The following EML6 variants were observed in gnomAD, a reference collection of about 807,000 sequenced individuals.
The protein encoded by EML6 is EMAP like 6, also known as echinoderm microtubule-associated protein-like 6.
Under a neutral mutation model 240.1 loss-of-function variants are expected in EML6, and 154 were observed. The observed-to-expected ratio is 0.64, with a 90% CI of 0.56 to 0.73. The LOEUF is 0.73. Among genes scored for constraint, EML6 ranks in the 30% least tolerant of loss-of-function variants. The pLI is 0.00. For missense variants in EML6, 2,964 were observed against 2,474.6 expected, an observed-to-expected ratio of 1.20 and a Z score of -4.20; for synonymous variants, 1,148 against 899.0, an observed-to-expected ratio of 1.28 and a Z score of -4.95.
At position 54,901,355 on chromosome 2, in the gene EML6, A is replaced by G. The variant is rs1303671836; in HGVS notation, c.3124+1573A>G. Reference sequence around the variant, plus strand: ...GTAAATGGTGGAGGCAGGATTTCCCAAATCTAAGTCCAAAGCCCATGCTCG... The same window carrying G: ...GTAAATGGTGGAGGCAGGATTTCCCGAATCTAAGTCCAAAGCCCATGCTCG... On this transcript the variant is annotated intron_variant, in intron 22 of 41. Transcript: ENST00000356458. 2.0e-5 allele frequency among the ~76,000 whole-genome samples: 3 copies of G among 152,218 alleles called. No individual in the cohort carries two copies. In the East Asian group the frequency reaches 5.8e-4, roughly 29 times the overall value.
In EML6 at chr2:54,925,127, C is replaced by G. The variant is rs182816586; in HGVS notation, c.3676-3186C>G. The stretch of plus-strand genomic sequence containing the variant: ...TAAATGAGTTTATAAGGGAGGGGCC[C>G]TAATCTGATAGAATCAGTGTCCTTA... On this transcript the variant is annotated intron_variant, in intron 26 of 41. Coordinates refer to ENST00000356458, the MANE Select transcript of EML6 (RefSeq NM_001039753.4). Among the ~76,000 whole-genome samples, 1,348 of 152,198 alleles carry G rather than the reference C, an allele frequency of 8.9e-3. 21 individuals are homozygous for G. The highest frequency in any genetic ancestry group is 0.014 in the Middle Eastern group (4 of 294).
chr2:54,770,604 T>C (rs1409103814), intron 2 of EML6, among the ~76,000 whole-genome samples: 1 of 152,220 alleles, frequency 6.6e-6, no homozygotes, highest in South Asian at 2.1e-4. Flanking sequence ...CTTCCTAGTC[T>C]CTTCTCAGTT....
chr2:54,738,270 A>C (rs1260887775), intron 2 of EML6, among the ~76,000 whole-genome samples: 1 of 152,200 alleles, frequency 6.6e-6, no homozygotes, highest in African/African-American at 2.4e-5. Context: ...GAACAAATGA[A>C]AGACTTGTGC....
At chr2:54,879,446 T>A (rs1671701918) in intron 16 of EML6, 101 bp from the exon 17 acceptor site, 2 of 748,018 alleles carry the variant, frequency 2.7e-6, no homozygotes, top group Non-Finnish European at 4.5e-6. Context: ...CCTCAAATAT[T>A]TATCAGTTCT....
chr2:54,957,845 T>G lies in EML6; in HGVS notation c.4542T>G (p.Phe1514Leu). ...TGGAGCGCATATTTGTGGTGGAATT[T>G]CGCCCCGACTCAGACACGCAGTTTG... ...GHLERIFVVE[F>L]RPDSDTQFVS... The change falls in exon 33 of 42, where the codon TTT (phenylalanine) becomes TTG (leucine). Residue 1514 changes from phenylalanine to leucine, a missense_variant. Coordinates refer to ENST00000356458, the MANE Select transcript of EML6 (RefSeq NM_001039753.4). 1.3e-6 allele frequency: 2 copies of G among 1,550,694 alleles called. No homozygotes were observed. The highest frequency in any genetic ancestry group is 1.7e-6 in the Non-Finnish European group (2 of 1,147,004).
chr2:54,803,164 A>T (rs1171448588), intron 2 of EML6, among the ~76,000 whole-genome samples: 1 of 152,210 alleles, frequency 6.6e-6, no homozygotes, highest in Non-Finnish European at 1.5e-5. Context: ...GTTCTTAACC[A>T]CAAGAGCAAA....
chr2:54,950,763 T>C lies in EML6; in HGVS notation c.4197T>C (p.Val1399=). ...TCCACACAGCAGCGGCTGGCATCGT[T>C]CAGAACCTCTCCACAGGTAACCGGG... ...IIFHTAAAGI[V]QNLSTGSQSF... Residue 1399 remains valine (V), a synonymous_variant, in exon 30 of 42, where the codon GTT becomes GTC. Transcript: ENST00000356458. 1.3e-6 allele frequency: 2 copies of C among 1,551,522 alleles called. No homozygotes were observed. Among genetic ancestry groups the C allele is most frequent in the Non-Finnish European group, 1.7e-6 (2 of 1,146,940 alleles).
intron 11 of EML6, 99 bp from the exon 12 acceptor site, chr2:54,859,435 T>G (rs1278304248): frequency 8.9e-6 from 8 of 902,272 alleles, no homozygotes; most frequent in Admixed American, 3.0e-5. Flanking sequence ...CAGATATATT[T>G]AAAGATTTTA....
intron 16 of EML6, among the ~76,000 whole-genome samples, chr2:54,878,797 G>T (rs1348543826): frequency 1.3e-5 from 2 of 152,114 alleles, no homozygotes; most frequent in Admixed American, 6.5e-5. Context: ...AAATGTTCAT[G>T]ATATAATAGA....
intron 2 of EML6, among the ~76,000 whole-genome samples, chr2:54,795,282 TCA>T (rs753745665): frequency 1.1e-4 from 17 of 152,128 alleles, no homozygotes; most frequent in Non-Finnish European, 1.2e-4. Flanking sequence ...AGGGCATGTC[TCA>T]CATGTGGCAG....
rs150335696 is a variant in EML6 at position 54,919,417 on chromosome 2, T to G, written c.3675+2482T>G. On this transcript the variant is annotated intron_variant, in intron 26 of 41. Coordinates refer to ENST00000356458, the MANE Select transcript of EML6 (RefSeq NM_001039753.4). ...ACCTCTATGGCCACTTTGGTTACTTTGGACACTTTTCCTTTCTTCTCCTTC... is the reference window on the plus strand; with the variant it reads ...ACCTCTATGGCCACTTTGGTTACTTGGGACACTTTTCCTTTCTTCTCCTTC... Among the ~76,000 whole-genome samples, 611 of 152,338 alleles carry G rather than the reference T, an allele frequency of 4.0e-3. 8 individuals carry two copies. The highest frequency in any genetic ancestry group is 0.014 in the African/African-American group (578 of 41,582).
intron 10 of EML6, among the ~76,000 whole-genome samples, chr2:54,852,177 A>T (rs968775786): frequency 3.9e-5 from 6 of 152,286 alleles, no homozygotes; most frequent in African/African-American, 1.4e-4. Context: ...AAATGTGCCC[A>T]TTGGGATTTT....
At chr2:54,809,635 TC>T (rs1667726549) in intron 2 of EML6, among the ~76,000 whole-genome samples, 1 of 152,144 alleles carries the variant, frequency 6.6e-6, no homozygotes. Flanking sequence ...ACATAATACT[TC>T]CCTGTCATTT....
intron 2 of EML6, among the ~76,000 whole-genome samples, chr2:54,758,439 G>C (rs553397764): frequency 6.6e-6 from 1 of 152,196 alleles, no homozygotes; most frequent in Admixed American, 6.5e-5. Context: ...ACCTCTATAC[G>C]TGTGGTTTCA....
intron 16 of EML6, among the ~76,000 whole-genome samples, chr2:54,875,094 A>G (rs1279677957): frequency 2.6e-5 from 4 of 152,102 alleles, no homozygotes; most frequent in Non-Finnish European, 5.9e-5. Flanking sequence ...ACTTTCTGCT[A>G]CCTGTGCCCT....
chr2:54,889,702 A>G lies in EML6; in HGVS notation c.2439-1352A>G, dbSNP rs138175949. Among the ~76,000 whole-genome samples, 166 of 152,260 alleles carry G rather than the reference A, an allele frequency of 1.1e-3. 2 individuals carry two copies. The highest frequency in any genetic ancestry group is 8.9e-3 in the Admixed American group (136 of 15,294). ...AAATTTCCTTTTTAATTTTTTAGAC[A>G]TATATCCTTTGCAAATATGAATAGT... On this transcript the variant is annotated intron_variant, in intron 17 of 41. Coordinates refer to ENST00000356458, the MANE Select transcript of EML6 (RefSeq NM_001039753.4).
In EML6 at chr2:54,891,152, C is replaced by G. The variant is rs1001077349; in HGVS notation, c.2537C>G (p.Ala846Gly). 6.9e-6 allele frequency: 10 copies of G among 1,447,214 alleles called. No individual in the cohort carries two copies. The highest frequency in any genetic ancestry group is 8.4e-6 in the Non-Finnish European group (9 of 1,067,424). The allele number at this position is 1,447,214 out of a possible 1,614,324, so 89.6% of individuals were successfully genotyped here. ...GIKHIKFWQQAGGGFTSKRGT... is the reference protein window; with the variant it reads ...GIKHIKFWQQGGGGFTSKRGT... ...AAACACATCAAATTCTGGCAACAAG[C>G]AGGTACTGTCGTTTGGGTTTATCAT... Residue 846 changes from alanine to glycine, a missense_variant and splice_region_variant, in exon 18 of 42, where the codon GCA becomes GGA. Ala to Gly is a moderately conservative substitution (Grantham distance 60). Transcript: ENST00000356458.
At chr2:54,756,701 ATT>A (rs1166850245) in intron 2 of EML6, among the ~76,000 whole-genome samples, 1 of 151,614 alleles carries the variant, frequency 6.6e-6, no homozygotes, top group Non-Finnish European at 1.5e-5. Context: ...AGGATTTCTA[ATT>A]TATTTTTGTT....
At chr2:54,818,077 T>G (rs998847764) in intron 4 of EML6, among the ~76,000 whole-genome samples, 5 of 152,180 alleles carry the variant, frequency 3.3e-5, no homozygotes, top group African/African-American at 1.2e-4. Flanking sequence ...ATTTACTGCT[T>G]CTATTTCTGA....
Sources: gnomAD v4.1 joint callset for allele counts (sites outside exome capture counted in the v4.1 genomes callset) on GRCh38, gnomAD v4.1.1 for gene constraint, MANE v1.5 for transcripts, NCBI Gene and HGNC (gene_info 2026-07-23, HGNC 2026-07-21) for gene names.